TFRC: variants seen among roughly 807,000 people sequenced by gnomAD.
TFRC encodes the protein transferrin receptor, also known as transferrin receptor protein 1.
In TFRC, 35 loss-of-function variants were observed where a neutral mutation model predicts 85.8. The observed-to-expected ratio is 0.41, with a 90% CI of 0.31 to 0.54. TFRC has a LOEUF of 0.54. Ranked by LOEUF, TFRC falls within the 20% of genes least tolerant of loss-of-function variation. The pLI, the probability that TFRC is intolerant of heterozygous loss-of-function variation, is 0.31. For missense variants in TFRC, 828 were observed against 921.5 expected, an observed-to-expected ratio of 0.90 and a Z score of 1.31; for synonymous variants, 362 against 328.6, an observed-to-expected ratio of 1.10 and a Z score of -1.10.
Position 196,074,101 on chromosome 3 carries a change from T to TA in TFRC, c.262dup (p.Tyr88LeufsTer3). On this transcript the variant is annotated frameshift_variant, in exon 4 of 19. Coordinates refer to ENST00000360110, the MANE Select transcript of TFRC (RefSeq NM_001128148.3). LOFTEE classifies it high-confidence loss of function. ...AGTTTTTGGTTCTACCCCTTTACAA[T>TA]AGCCCAAGTAGCCAATCATAAATCC... 1 of 1,612,740 alleles carries TA rather than the reference T, an allele frequency of 6.2e-7. No homozygotes were observed. The highest frequency in any genetic ancestry group is 8.5e-7 in the Non-Finnish European group (1 of 1,179,474).
In TFRC at chr3:196,067,566, T is replaced by C. The variant is rs754440441; in HGVS notation, c.992A>G (p.Asn331Ser). ...TCTGGAGATTGTCTGGACAGGTATA[T>C]TAGGCAATCCTGATGACCGAGATGG... ...FPPSRSSGLP[N>S]IPVQTISRAA... Residue 331 changes from asparagine to serine, a missense_variant, in exon 9 of 19, where the codon AAT becomes AGT. Transcript: ENST00000360110. 7.0e-5 allele frequency: 113 copies of C among 1,614,040 alleles called. No homozygotes were observed. The highest frequency in any genetic ancestry group is 9.0e-5 in the Non-Finnish European group (106 of 1,180,016).
chr3:196,054,187 G>A (rs763173974), intron 17 of TFRC, among the ~76,000 whole-genome samples: 14 of 151,794 alleles, frequency 9.2e-5, no homozygotes, highest in African/African-American at 2.9e-4. Flanking sequence ...ACAGTGAGCC[G>A]AGATCTCGCC....
intron 8 of TFRC, 82 bp from the exon 9 acceptor site, chr3:196,067,739 C>T (rs754312395): frequency 2.9e-5 from 44 of 1,495,188 alleles, no homozygotes; most frequent in Non-Finnish European, 3.8e-5. Flanking sequence ...TATAAGGCTG[C>T]AGCCCAACCT....
chr3:196,081,946 A>G (rs1430493987), intron 1 of TFRC, 97 bp downstream of exon 1: 3 of 152,212 alleles, frequency 2.0e-5, no homozygotes, highest in Non-Finnish European at 4.4e-5. Flanking sequence ...GCGGCTCCCT[A>G]TGGCTGCTGG....
rs1451196414 is a variant in TFRC, at chr3:196,053,423, T to C, written c.2035A>G (p.Met679Val). 1 of 1,614,208 alleles carries C rather than the reference T, an allele frequency of 6.2e-7. No homozygotes were observed. Residue 679 changes from methionine (M) to valine (V), a missense_variant, in exon 18 of 19, where the codon ATG becomes GTG. Transcript: ENST00000360110. ...TTTCCCAAAAGTTCACTTACTCTCA[T>C]GACACGATCATTGAGTTTCTTCATG... is the stretch of plus-strand genomic sequence containing the variant. Reference protein sequence around the residue: ...FVMKKLNDRVMRVEYHFLSPY... With the variant: ...FVMKKLNDRVVRVEYHFLSPY...
chr3:196,068,715 G>A (rs1209068670), intron 7 of TFRC, among the ~76,000 whole-genome samples: 3 of 148,592 alleles, frequency 2.0e-5, no homozygotes, highest in African/African-American at 7.4e-5. Context: ...ATCACCTGAC[G>A]TCAGGAGTTC....
At position 196,077,083 on chromosome 3, in the gene TFRC, C is replaced by G. The variant is rs1478570989; in HGVS notation, c.17G>C (p.Arg6Thr). The change falls in exon 2 of 19, where the codon AGA becomes ACA. Residue 6 changes from arginine (R) to threonine (T), a missense_variant. Arg to Thr is a moderately conservative substitution (Grantham distance 71). Transcript: ENST00000360110. ...TCTTACCAAGTTAGAGAATGCTGAT[C>G]TAGCTTGATCCATCATTCTGAACTG... is the stretch of plus-strand genomic sequence containing the variant. MMDQA[R>T]SAFSNLFGGE... The G allele has an allele frequency of 6.2e-7, 1 of 1,613,800 alleles. No homozygotes were observed. The highest frequency in any genetic ancestry group is 1.7e-5 in the Admixed American group (1 of 59,994).
intron 16 of TFRC, 162 bp downstream of exon 16, chr3:196,058,122 C>A (rs1411500371): frequency 5.7e-6 from 3 of 522,260 alleles, no homozygotes; most frequent in Non-Finnish European, 1.0e-5. Flanking sequence ...ATTTTGTAAT[C>A]CTCGTCATTT....
Position 196,065,427 on chromosome 3 carries a change from G to GC in TFRC, c.1198+15_1198+16insG. On this transcript the variant is annotated intron_variant, in intron 10 of 18. Transcript: ENST00000360110. ...AAAAAAAAAGCGGGGCGGGGGGGGGGGGGGGCGGTCTTTACCTGGTTCTAC... is the reference window on the plus strand; with the variant it reads ...AAAAAAAAAGCGGGGCGGGGGGGGGGCGGGGGCGGTCTTTACCTGGTTCTAC... The GC allele has an allele frequency of 1.4e-6, 1 of 697,814 alleles. No homozygotes were observed. The highest frequency in any genetic ancestry group is 1.9e-6 in the Non-Finnish European group (1 of 514,386). The allele number at this position is 697,814 out of a possible 1,614,324, so 43.2% of individuals were successfully genotyped here.
rs1277818649 is a variant in TFRC, at chr3:196,067,672, G to A, written c.901-15C>T. Reference sequence around the variant, plus strand: ...CCCAGATGAGCCTAGGAAAACAAAAGAGCAATTCACTCCATCACATACTTC... The same window carrying A: ...CCCAGATGAGCCTAGGAAAACAAAAAAGCAATTCACTCCATCACATACTTC... On this transcript the variant is annotated splice_polypyrimidine_tract_variant and intron_variant, in intron 8 of 18. Coordinates refer to ENST00000360110, the MANE Select transcript of TFRC (RefSeq NM_001128148.3). 6.2e-7 allele frequency: 1 copy of A among 1,611,854 alleles called. No homozygotes were observed. The highest frequency in any genetic ancestry group is 1.1e-5 in the South Asian group (1 of 90,708).
chr3:196,054,976 C>T, intron 17 of TFRC, 104 bp downstream of exon 17: 2 of 1,145,222 alleles, frequency 1.7e-6, no homozygotes, highest in Non-Finnish European at 2.6e-6. Context: ...TTAAAATGTA[C>T]TATGGCTACA....
intron 16 of TFRC, among the ~76,000 whole-genome samples, chr3:196,055,943 C>T (rs934488765): frequency 6.6e-6 from 1 of 151,926 alleles, no homozygotes; most frequent in Admixed American, 6.6e-5. Context: ...CACTCTGTCA[C>T]CCAGGCTAGA....
chr3:196,057,736 G>A (rs867897530), intron 16 of TFRC, among the ~76,000 whole-genome samples: 35 of 149,848 alleles, frequency 2.3e-4, no homozygotes, highest in African/African-American at 6.9e-4. Flanking sequence ...AGCCATGATC[G>A]GGCCACTGCA....
rs1377193165 is a variant in TFRC, at chr3:196,051,762, G to C, written c.*180C>G. On this transcript the variant is annotated 3_prime_UTR_variant, in exon 19 of 19. Transcript: ENST00000360110. Reference sequence around the variant, plus strand: ...TTTAAGTGGTTATTCACTTTAACTTGAAGTACAGGTTATCTACCCTGTATT... The same window carrying C: ...TTTAAGTGGTTATTCACTTTAACTTCAAGTACAGGTTATCTACCCTGTATT... 1 of 617,614 alleles carries C rather than the reference G, an allele frequency of 1.6e-6. No individual in the cohort carries two copies. The highest frequency in any genetic ancestry group is 3.3e-5 in the Admixed American group (1 of 30,320). The allele number at this position is 617,614 out of a possible 1,614,324, so 38.3% of individuals were successfully genotyped here.
At chr3:196,066,501 C>T (rs1203662412) in intron 9 of TFRC, among the ~76,000 whole-genome samples, 1 of 152,092 alleles carries the variant, frequency 6.6e-6, no homozygotes, top group Non-Finnish European at 1.5e-5. Flanking sequence ...TCTGTGTTAC[C>T]CAAATAATAG....
In TFRC at chr3:196,075,480, TCTC is replaced by T. The variant is rs1718608603; in HGVS notation, c.37-123_37-121del. 3 of 954,642 alleles carry T rather than the reference TCTC, an allele frequency of 3.1e-6. No homozygotes were observed. In the Admixed American group the frequency reaches 6.5e-5, roughly 21 times the overall value. The allele number at this position is 954,642 out of a possible 1,614,324, so 59.1% of individuals were successfully genotyped here. A position where few individuals can be genotyped will look rare whatever the true frequency, so the allele number is the denominator to read the frequency against. Reference sequence around the variant, plus strand: ...ACTTGCTATATATTCCTTAGGGTGTTCTCCTTTCAAACCAACATTCTTCCCTGG... The same window carrying T: ...ACTTGCTATATATTCCTTAGGGTGTTCTTTCAAACCAACATTCTTCCCTGG... On this transcript the variant is annotated intron_variant, in intron 2 of 18. Coordinates refer to ENST00000360110, the MANE Select transcript of TFRC (RefSeq NM_001128148.3).
chr3:196,062,713 A>G, intron 12 of TFRC, 68 bp from the exon 13 acceptor site: 1 of 1,553,854 alleles, frequency 6.4e-7, no homozygotes, highest in Non-Finnish European at 8.8e-7. Context: ...AGCATTAGGG[A>G]TTCATTTTCA....
intron 14 of TFRC, among the ~76,000 whole-genome samples, 170 bp downstream of exon 14, chr3:196,060,010 T>C (rs1418244701): frequency 6.6e-6 from 1 of 152,180 alleles, no homozygotes; most frequent in Non-Finnish European, 1.5e-5. Context: ...ATTGGAGCCC[T>C]CATCTCATAT....
At chr3:196,074,752 G>A (rs1370880948) in intron 3 of TFRC, among the ~76,000 whole-genome samples, 1 of 151,898 alleles carries the variant, frequency 6.6e-6, no homozygotes, top group African/African-American at 2.4e-5. Context: ...GGTGGTGCAC[G>A]CCTGTAGTCC....
Sources: gnomAD v4.1 joint callset for allele counts (sites outside exome capture counted in the v4.1 genomes callset) on GRCh38, gnomAD v4.1.1 for gene constraint, MANE v1.5 for transcripts, NCBI Gene and HGNC (gene_info 2026-07-23, HGNC 2026-07-21) for gene names.